GABBR2: variants seen among roughly 807,000 people sequenced by gnomAD.
GABBR2 encodes the protein gamma-aminobutyric acid type B receptor subunit 2, also known as G-protein coupled receptor 51.
In GABBR2, 23 loss-of-function variants were observed where a neutral mutation model predicts 105.6. The ratio of observed to expected loss-of-function variants is 0.22; its 90% CI spans 0.16 to 0.31. The LOEUF (loss-of-function observed/expected upper bound fraction) is 0.31. Among genes scored for constraint, GABBR2 ranks in the 10% least tolerant of loss-of-function variants. The pLI is 1.00. For missense variants in GABBR2, 734 were observed against 1,245.5 expected, an observed-to-expected ratio of 0.59 and a Z score of 6.18; for synonymous variants, 478 against 499.7, an observed-to-expected ratio of 0.96 and a Z score of 0.58.
chr9:98,584,395 ACTC>A (rs1237180870), intron 1 of GABBR2, among the ~76,000 whole-genome samples: 1 of 150,982 alleles, frequency 6.6e-6, no homozygotes, highest in Non-Finnish European at 1.5e-5. Flanking sequence ...CCTTCCTTTG[ACTC>A]CTCCTCTACT....
intron 3 of GABBR2, among the ~76,000 whole-genome samples, chr9:98,502,173 A>G (rs1468275231): frequency 6.6e-6 from 1 of 152,176 alleles, no homozygotes; most frequent in Non-Finnish European, 1.5e-5. Flanking sequence ...AGATCAGAGA[A>G]AAAGGTGGAA....
intron 1 of GABBR2, among the ~76,000 whole-genome samples, chr9:98,625,959 A>G (rs1029267359): frequency 3.3e-5 from 5 of 151,336 alleles, no homozygotes; most frequent in Admixed American, 1.3e-4. Context: ...CGTACCTTAA[A>G]CAGGGGACAG....
chr9:98,420,626 G>T (rs569415013), intron 7 of GABBR2, among the ~76,000 whole-genome samples: 31 of 152,332 alleles, frequency 2.0e-4, no homozygotes, highest in Non-Finnish European at 3.5e-4. Context: ...ACAAAGGCAC[G>T]AGTGCCCTGA....
At chr9:98,684,951 T>G (rs926388571) in intron 1 of GABBR2, among the ~76,000 whole-genome samples, 5 of 152,096 alleles carry the variant, frequency 3.3e-5, no homozygotes, top group African/African-American at 4.8e-5. Flanking sequence ...TAATATTGAG[T>G]GTCAACTTGA....
intron 1 of GABBR2, among the ~76,000 whole-genome samples, chr9:98,624,465 G>T (rs945443872): frequency 3.9e-5 from 6 of 152,230 alleles, no homozygotes; most frequent in African/African-American, 1.4e-4. Flanking sequence ...TATCCTAATT[G>T]TTCAAATACT....
chr9:98,695,848 C>T lies in GABBR2; in HGVS notation c.321+12569G>A, dbSNP rs987564144. Among the ~76,000 whole-genome samples, 55 of 152,184 alleles carry T rather than the reference C, an allele frequency of 3.6e-4. 1 individual carries two copies. Among genetic ancestry groups the T allele is most frequent in the Non-Finnish European group, 1.0e-4 (7 of 68,024 alleles). ...CTACAGTGTCCAGCTGTCTCCCCCA[C>T]ACCCCACAGGCACTGAAAAACAAAC... On this transcript the variant is annotated intron_variant, in intron 1 of 18. Coordinates refer to ENST00000259455, the MANE Select transcript of GABBR2 (RefSeq NM_005458.8).
intron 1 of GABBR2, among the ~76,000 whole-genome samples, chr9:98,643,709 G>A (rs1214959779): frequency 6.6e-6 from 1 of 152,220 alleles, no homozygotes; most frequent in South Asian, 2.1e-4. Context: ...GTATCCCTGT[G>A]GCCACAGGGA....
intron 13 of GABBR2, among the ~76,000 whole-genome samples, chr9:98,339,284 C>CAAAAAAAAAAAAAAAA (rs9299286): frequency 7.5e-6 from 1 of 133,664 alleles, no homozygotes. Flanking sequence ...AATTATATCT[C>CAAAAAAAAAAAAAAAA]AAAAAAAAAA....
At chr9:98,410,406 T>A (rs1832565928) in intron 7 of GABBR2, among the ~76,000 whole-genome samples, 2 of 151,842 alleles carry the variant, frequency 1.3e-5, no homozygotes, top group Admixed American at 1.3e-4. Context: ...CTGGAAGCCC[T>A]GAAACTACAT....
intron 1 of GABBR2, among the ~76,000 whole-genome samples, chr9:98,664,657 A>G (rs1161888485): frequency 1.3e-5 from 2 of 152,130 alleles, no homozygotes; most frequent in Non-Finnish European, 2.9e-5. Flanking sequence ...TTTTATCTCA[A>G]AAGACCAATC....
chr9:98,356,384 A>C (rs1588119031), intron 13 of GABBR2, among the ~76,000 whole-genome samples: 1 of 152,360 alleles, frequency 6.6e-6, no homozygotes, highest in East Asian at 1.9e-4. Flanking sequence ...CAGTCTTCTC[A>C]CTAGATGGCA....
At chr9:98,417,730 A>G (rs1474935649) in intron 7 of GABBR2, among the ~76,000 whole-genome samples, 4 of 151,896 alleles carry the variant, frequency 2.6e-5, no homozygotes, top group Non-Finnish European at 1.5e-5. Flanking sequence ...GAGATGACAG[A>G]ATTTTTTTGT....
At chr9:98,407,883 C>T (rs968502964) in intron 7 of GABBR2, among the ~76,000 whole-genome samples, 2 of 152,266 alleles carry the variant, frequency 1.3e-5, no homozygotes, top group Admixed American at 1.3e-4. Flanking sequence ...TTTTATTTTA[C>T]TAAATATAAC....
intron 1 of GABBR2, among the ~76,000 whole-genome samples, chr9:98,580,758 G>A (rs1309056273): frequency 6.6e-6 from 1 of 152,192 alleles, no homozygotes; most frequent in African/African-American, 2.4e-5. Context: ...CTGCACTCCA[G>A]CTTGACAGAG....
At chr9:98,589,646 C>A (rs1009353837) in intron 1 of GABBR2, among the ~76,000 whole-genome samples, 1 of 151,392 alleles carries the variant, frequency 6.6e-6, no homozygotes, top group Non-Finnish European at 1.5e-5. Flanking sequence ...ATTCAAGACA[C>A]TTACGTCAAA....
intron 11 of GABBR2, among the ~76,000 whole-genome samples, chr9:98,374,653 T>C (rs181579703): frequency 1.3e-5 from 2 of 152,320 alleles, no homozygotes; most frequent in Admixed American, 1.3e-4. Flanking sequence ...TCATCTCTAA[T>C]GTGCTTCCCT....
intron 3 of GABBR2, 71 bp downstream of exon 3, chr9:98,541,802 A>G: frequency 6.9e-7 from 1 of 1,447,820 alleles, no homozygotes; most frequent in East Asian, 2.3e-5. Context: ...CCCTGACTAA[A>G]CCACATTGCC....
At chr9:98,691,647 C>T (rs1015383403) in intron 1 of GABBR2, among the ~76,000 whole-genome samples, 2 of 152,220 alleles carry the variant, frequency 1.3e-5, no homozygotes, top group Non-Finnish European at 2.9e-5. Flanking sequence ...GTTCAGCTCT[C>T]TGTCCACAGT....
At chr9:98,480,776 A>G (rs982179385) in intron 5 of GABBR2, among the ~76,000 whole-genome samples, 156 bp downstream of exon 5, 2 of 152,158 alleles carry the variant, frequency 1.3e-5, no homozygotes, top group African/African-American at 4.8e-5. Flanking sequence ...AGCTCCCTGG[A>G]AAGAGGAAAG....
Sources: gnomAD v4.1 joint callset for allele counts (sites outside exome capture counted in the v4.1 genomes callset) on GRCh38, gnomAD v4.1.1 for gene constraint, MANE v1.5 for transcripts, NCBI Gene and HGNC (gene_info 2026-07-23, HGNC 2026-07-21) for gene names.